The following CPZ variants were observed in gnomAD, a reference collection of about 807,000 sequenced individuals.
CPZ encodes carboxypeptidase Z.
A neutral mutation model predicts 61.8 loss-of-function variants in CPZ; 103 were observed. The observed-to-expected ratio is 1.67, with a 90% CI of 1.42 to 1.96. The LOEUF (loss-of-function observed/expected upper bound fraction) is 1.96, where lower values mean the gene tolerates loss of function less well. Ranked by LOEUF, CPZ falls within the 30% of genes most tolerant of loss-of-function variation. The probability of loss-of-function intolerance (pLI) is 0.00; values close to 1 mark genes in which losing one functional copy is unlikely to be tolerated. For synonymous variants in CPZ, 551 were observed against 373.7 expected, an observed-to-expected ratio of 1.47 and a Z score of -5.47; for missense variants, 1,461 against 914.9, an observed-to-expected ratio of 1.60 and a Z score of -7.70.
chr4:8,613,664 G>A (rs924161234), intron 8 of CPZ, among the ~76,000 whole-genome samples: 5 of 152,334 alleles, frequency 3.3e-5, no homozygotes, highest in African/African-American at 7.2e-5. Flanking sequence ...CTTGGAGATG[G>A]TCATGGCTTC....
At chr4:8,596,799 T>C (rs1199396017) in intron 1 of CPZ, among the ~76,000 whole-genome samples, 1 of 152,174 alleles carries the variant, frequency 6.6e-6, no homozygotes, top group East Asian at 1.9e-4. Flanking sequence ...TGTGTGATGG[T>C]CCAGTCACTT....
chr4:8,611,878 C>G, intron 7 of CPZ, 149 bp from the exon 8 acceptor site: 3 of 1,148,662 alleles, frequency 2.6e-6, no homozygotes, highest in Non-Finnish European at 3.7e-6. Flanking sequence ...CTGCAGGACA[C>G]CGTTCCCCTC....
At chr4:8,595,743 G>A (rs1050998607) in intron 1 of CPZ, among the ~76,000 whole-genome samples, 4 of 152,254 alleles carry the variant, frequency 2.6e-5, no homozygotes, top group Admixed American at 1.3e-4. Flanking sequence ...GAATGGGAGC[G>A]TACTTGGAAA....
chr4:8,600,573 A>G (rs1406842691), intron 2 of CPZ, among the ~76,000 whole-genome samples: 1 of 152,242 alleles, frequency 6.6e-6, no homozygotes, highest in Non-Finnish European at 1.5e-5. Context: ...GTGCCCAGCA[A>G]CAATGAGGAC....
At chr4:8,619,211 G>A (rs1445255762) in intron 10 of CPZ, 51 bp from the exon 11 acceptor site, 3 of 1,477,956 alleles carry the variant, frequency 2.0e-6, no homozygotes, top group Middle Eastern at 1.7e-4. Context: ...ATCACCCCGT[G>A]GCTGGGTCTG....
intron 7 of CPZ, among the ~76,000 whole-genome samples, chr4:8,609,160 T>TTCTCCTTAACTCAGC (rs1553877645): frequency 7.3e-6 from 1 of 137,110 alleles, no homozygotes; most frequent in Non-Finnish European, 1.5e-5. Context: ...ACTCCCTCAC[T>TTCTCCTTAACTCAGC]CATTCACTCA....
At chr4:8,611,038 ACTTGCTCACGCATTCG>A in intron 7 of CPZ, 1 of 366,696 alleles carries the variant, frequency 2.7e-6, no homozygotes, top group East Asian at 7.6e-5. Flanking sequence ...TCACTCTTTC[ACTTGCTCACGCATTCG>A]CTCACTCACT....
chr4:8,596,664 C>T lies in CPZ; in HGVS notation c.89-2789C>T, dbSNP rs552390880. Among the ~76,000 whole-genome samples, 17 of 152,204 alleles carry T rather than the reference C, an allele frequency of 1.1e-4. 1 individual carries two copies. The highest frequency in any genetic ancestry group is 2.1e-4 in the South Asian group (1 of 4,834). ...CCTATGAGGTAGACGTGATCCTTAT[C>T]CCAATCTACACATGAGGAAACTGAG... is the stretch of plus-strand genomic sequence containing the variant. On this transcript the variant is annotated intron_variant, in intron 1 of 10. Transcript: ENST00000360986.
chr4:8,619,461 C>G lies in CPZ; in HGVS notation c.1803C>G (p.His601Gln). The G allele has an allele frequency of 6.2e-7, 1 of 1,611,668 alleles. No homozygotes were observed. The highest frequency in any genetic ancestry group is 8.5e-7 in the Non-Finnish European group (1 of 1,178,446). The change falls in exon 11 of 11, where the codon CAC (histidine) becomes CAG (glutamine). Residue 601 changes from histidine to glutamine, a missense_variant. Physicochemically the swap from His to Gln is conservative, Grantham distance 24. Coordinates refer to ENST00000360986, the MANE Select transcript of CPZ (RefSeq NM_001014447.3). ...FIHGLRRTGP[H>Q]DPLGGASSLG... ...ATGGGCTGCGGAGGACTGGGCCCCA[C>G]GACCCACTGGGAGGTGCCAGCTCTT...
chr4:8,613,642 T>C (rs1039406928), intron 8 of CPZ, among the ~76,000 whole-genome samples: 4 of 152,136 alleles, frequency 2.6e-5, no homozygotes, highest in African/African-American at 9.7e-5. Flanking sequence ...GGTGCTATCA[T>C]CCTAGGCCTG....
Position 8,612,151 on chromosome 4 carries a change from G to GCTTCA in CPZ, c.1354_1358dup (p.Gly454SerfsTer20). On this transcript the variant is annotated frameshift_variant, in exon 8 of 11. Coordinates refer to ENST00000360986, the MANE Select transcript of CPZ (RefSeq NM_001014447.3). LOFTEE classifies it high-confidence loss of function. ...ATCATCAACGGGGCGGACTGGTACA[G>GCTTCA]CTTCACGGGAGGTGCGGCTTCCGCA... is the stretch of plus-strand genomic sequence containing the variant. 6.7e-7 allele frequency: 1 copy of GCTTCA among 1,490,710 alleles called. No homozygotes were observed. Among genetic ancestry groups the GCTTCA allele is most frequent in the African/African-American group, 1.5e-5 (1 of 68,510 alleles). The allele number at this position is 1,490,710 out of a possible 1,614,324, so 92.3% of individuals were successfully genotyped here. A position where few individuals can be genotyped will look rare whatever the true frequency, so the allele number is the denominator to read the frequency against.
intron 10 of CPZ, among the ~76,000 whole-genome samples, chr4:8,618,746 T>C (rs1389870125): frequency 6.6e-6 from 1 of 152,214 alleles, no homozygotes; most frequent in Non-Finnish European, 1.5e-5. Context: ...CCGTAGCTAC[T>C]GAATGATGGT....
At chr4:8,619,203 C>A in intron 10 of CPZ, 59 bp from the exon 11 acceptor site, 3 of 1,442,626 alleles carry the variant, frequency 2.1e-6, no homozygotes, top group South Asian at 1.3e-5. Flanking sequence ...CATCACCCAT[C>A]ACCCCGTGGC....
chr4:8,608,641 CGTGT>C (rs57341669), intron 7 of CPZ, among the ~76,000 whole-genome samples: 255 of 151,536 alleles, frequency 1.7e-3, no homozygotes, highest in Non-Finnish European at 3.0e-3. Flanking sequence ...TGTGAGTGCA[CGTGT>C]GTGCGTGTGC....
At position 8,601,481 on chromosome 4, in the gene CPZ, G is replaced by T. The variant is rs372127536; in HGVS notation, c.480G>T (p.Pro160=). 2 of 1,486,632 alleles carry T rather than the reference G, an allele frequency of 1.3e-6. No homozygotes were observed. Among genetic ancestry groups the T allele is most frequent in the South Asian group, 2.7e-5 (2 of 74,102 alleles). The allele number at this position is 1,486,632 out of a possible 1,614,324, so 92.1% of individuals were successfully genotyped here. Residue 160 remains proline, a synonymous_variant, in exon 3 of 11, where the codon CCG becomes CCT. Transcript: ENST00000360986. ...GAGAGGACGAGGGCTGCTATGACCC[G>T]CTGGAGAAGCTTCGGGGTAAGGGAA... The part of the protein sequence containing the change: ...FTREDEGCYD[P]LEKLRGGLEA...
At position 8,612,186 on chromosome 4, in the gene CPZ, T is replaced by TG. The variant is rs1553878410; in HGVS notation, c.1363+27dup. 59 of 179,760 alleles carry TG rather than the reference T, an allele frequency of 3.3e-4. No individual in the cohort carries two copies. In the African/African-American group the frequency reaches 6.2e-3, roughly 19 times the overall value. 11.1% of individuals were successfully genotyped at this position (179,760 alleles called of 1,614,324 possible). On this transcript the variant is annotated intron_variant, in intron 8 of 10. Transcript: ENST00000360986. ...AGGTGCGGCTTCCGCAGGGCGGGAC[T>TG]GGGCGGGGGGTGGGGGGTGCAGGGG...
Position 8,614,393 on chromosome 4 carries a change from C to T in CPZ, c.1398C>T (p.Cys466=). ...ATTTCAACTACCTGCACACCAACTGCTTTGAGATCACGGTAGAGCTGGGCT... is the reference window on the plus strand; with the variant it reads ...ATTTCAACTACCTGCACACCAACTGTTTTGAGATCACGGTAGAGCTGGGCT... ...MSDFNYLHTN[C]FEITVELGCV... The change falls in exon 9 of 11, where the codon TGC becomes TGT. Residue 466 remains cysteine (C), a synonymous_variant. Coordinates refer to ENST00000360986, the MANE Select transcript of CPZ (RefSeq NM_001014447.3). The T allele has an allele frequency of 6.2e-7, 1 of 1,613,982 alleles. No homozygotes were observed. The highest frequency in any genetic ancestry group is 8.5e-7 in the Non-Finnish European group (1 of 1,179,928).
At position 8,594,535 on chromosome 4, in the gene CPZ, C is replaced by T. The variant is rs553734057; in HGVS notation, c.88+1614C>T. On this transcript the variant is annotated intron_variant, in intron 1 of 10. Coordinates refer to ENST00000360986, the MANE Select transcript of CPZ (RefSeq NM_001014447.3). Reference sequence around the variant, plus strand: ...TCTCTGACCTCATTCAGGTCTCATCCCTGACCCAGGCACAGCCACTGGTCA... The same window carrying T: ...TCTCTGACCTCATTCAGGTCTCATCTCTGACCCAGGCACAGCCACTGGTCA... 4.6e-5 allele frequency among the ~76,000 whole-genome samples: 7 copies of T among 152,300 alleles called. No homozygotes were observed. In the South Asian group the frequency reaches 6.2e-4, roughly 14 times the overall value.
At chr4:8,609,918 A>G (rs3796732) in intron 7 of CPZ, among the ~76,000 whole-genome samples, 49,022 of 151,996 alleles carry the variant, frequency 0.32, 9,403 homozygotes, top group African/African-American at 0.54. Context: ...CCTTTCACCA[A>G]ACTTCCATGG....
Sources: gnomAD v4.1 joint callset for allele counts (sites outside exome capture counted in the v4.1 genomes callset) on GRCh38, gnomAD v4.1.1 for gene constraint, MANE v1.5 for transcripts, NCBI Gene and HGNC (gene_info 2026-07-23, HGNC 2026-07-21) for gene names.